The following ZNF653 variants were observed in gnomAD, a reference collection of about 807,000 sequenced individuals.
ZNF653 encodes the protein 67 kDa zinc finger protein.
Under a neutral mutation model 59.9 loss-of-function variants are expected in ZNF653, and 37 were observed. The observed-to-expected ratio is 0.62, with a 90% CI of 0.48 to 0.81. The LOEUF is 0.81. Among genes scored for constraint, ZNF653 ranks in the 40% least tolerant of loss-of-function variants. ZNF653 has a pLI of 0.00. For missense variants in ZNF653, 808 were observed against 881.1 expected (o/e 0.92, Z 1.05); for synonymous variants, 435 against 371.8 (o/e 1.17, Z -1.96).
chr19:11,497,793 G>A (rs960565143), intron 2 of ZNF653, among the ~76,000 whole-genome samples: 2 of 152,064 alleles, frequency 1.3e-5, no homozygotes, highest in African/African-American at 4.8e-5. Flanking sequence ...TCCTCAATGC[G>A]CTCCTCATCC....
chr19:11,496,437 T>C (rs766140332), intron 2 of ZNF653, among the ~76,000 whole-genome samples: 14 of 152,170 alleles, frequency 9.2e-5, no homozygotes, highest in Admixed American at 2.6e-4. Flanking sequence ...TGCTTGTTAA[T>C]TGTTCTCATC....
At chr19:11,494,760 C>T (rs12609753) in intron 3 of ZNF653, among the ~76,000 whole-genome samples, 12,170 of 152,266 alleles carry the variant, frequency 0.08, 788 homozygotes, top group African/African-American at 0.18. Context: ...CTCTGGGCAC[C>T]ACCCACACCC....
At chr19:11,484,840 T>A (rs1311194745) in intron 7 of ZNF653, among the ~76,000 whole-genome samples, 3 of 151,508 alleles carry the variant, frequency 2.0e-5, no homozygotes, top group African/African-American at 7.3e-5. Flanking sequence ...TCGCCTGAGA[T>A]CAGGAGTTGG....
intron 1 of ZNF653, among the ~76,000 whole-genome samples, chr19:11,498,807 C>T (rs763952603): frequency 6.7e-6 from 1 of 148,916 alleles, no homozygotes; most frequent in Admixed American, 6.7e-5. Context: ...TGCAGTGGTG[C>T]GATCTCGGTT....
Position 11,487,382 on chromosome 19 carries a change from C to T in ZNF653, c.1081G>A (p.Gly361Ser), listed in dbSNP as rs1363031864. ...GEEVPCAMMEGVAAYTQTEPE... is the reference protein window; with the variant it reads ...GEEVPCAMMESVAAYTQTEPE... Reference sequence around the variant, plus strand: ...TCTGTCTGGGTGTAGGCTGCCACACCCTCCATCATGGCACAGGGCACCTCC... The same window carrying T: ...TCTGTCTGGGTGTAGGCTGCCACACTCTCCATCATGGCACAGGGCACCTCC... The change falls in exon 4 of 9, where the codon GGT (glycine) becomes AGT (serine). Residue 361 changes from glycine to serine, a missense_variant. By Grantham distance (56) the Gly-to-Ser change is moderately conservative. Transcript: ENST00000293771. The surrounding 1 kb of genome is among the most constrained non-coding windows in gnomAD (Gnocchi z 5.1). 4.3e-6 allele frequency: 7 copies of T among 1,612,698 alleles called. No individual in the cohort carries two copies. Among genetic ancestry groups the T allele is most frequent in the African/African-American group, 4.0e-5 (3 of 74,942 alleles).
Position 11,496,085 on chromosome 19 carries a change from G to A in ZNF653, c.424C>T (p.His142Tyr), listed in dbSNP as rs1212514873. Reference protein sequence around the residue: ...DHKHRCPYEPHLAELDPTFGL... With the variant: ...DHKHRCPYEPYLAELDPTFGL... ...AAAGTGGGGTCTAGCTCCGCCAGGT[G>A]CGGCTCGTACGGGCAGCGGTGCTTG... Residue 142 changes from histidine (H) to tyrosine (Y), a missense_variant, in exon 3 of 9, where the codon CAC becomes TAC. Coordinates refer to ENST00000293771, the MANE Select transcript of ZNF653 (RefSeq NM_138783.4). 1.2e-6 allele frequency: 2 copies of A among 1,614,164 alleles called. No homozygotes were observed. Among genetic ancestry groups the A allele is most frequent in the South Asian group, 2.2e-5 (2 of 91,088 alleles).
intron 1 of ZNF653, among the ~76,000 whole-genome samples, chr19:11,499,598 C>T (rs1169301213): frequency 4.2e-5 from 6 of 143,962 alleles, no homozygotes; most frequent in African/African-American, 1.6e-4. Context: ...GATCCCACCT[C>T]TATTTATACA....
At chr19:11,486,679 CA>C in intron 6 of ZNF653, 89 bp downstream of exon 6, 1 of 1,143,838 alleles carries the variant, frequency 8.7e-7, no homozygotes. Context: ...CGTCAAATTT[CA>C]AGGGGCAAAC....
intron 1 of ZNF653, among the ~76,000 whole-genome samples, chr19:11,502,303 G>C (rs970773577): frequency 1.3e-5 from 2 of 151,170 alleles, no homozygotes; most frequent in African/African-American, 4.9e-5. Flanking sequence ...TATTGGTCAG[G>C]CTGGTCTCAA....
chr19:11,505,397 G>C (rs1037596207), intron 1 of ZNF653, 91 bp downstream of exon 1: 47 of 1,292,730 alleles, frequency 3.6e-5, no homozygotes, highest in Non-Finnish European at 4.1e-5. Context: ...AGGTGCCGGG[G>C]GCTGGCCCTA....
chr19:11,505,471 G>A lies in ZNF653; in HGVS notation c.299+17C>T, dbSNP rs953983084. On this transcript the variant is annotated intron_variant, in intron 1 of 8. Coordinates refer to ENST00000293771, the MANE Select transcript of ZNF653 (RefSeq NM_138783.4). The stretch of plus-strand genomic sequence containing the variant: ...GGGCGTCTCCTCCCTCCCTCCCTCG[G>A]GGCCAGGCCCCCTCACCCGTGGCGG... 5 of 1,453,306 alleles carry A rather than the reference G, an allele frequency of 3.4e-6. No homozygotes were observed. Among genetic ancestry groups the A allele is most frequent in the African/African-American group, 1.5e-5 (1 of 67,014 alleles). 90.0% of individuals were successfully genotyped at this position (1,453,306 alleles called of 1,614,324 possible).
chr19:11,492,708 C>T (rs754013948), intron 3 of ZNF653, among the ~76,000 whole-genome samples: 15 of 152,092 alleles, frequency 9.9e-5, no homozygotes, highest in Non-Finnish European at 2.1e-4. Context: ...ATGTAAACTC[C>T]GTAAGGTTGC....
rs577287944 is a variant in ZNF653 at position 11,495,999 on chromosome 19, C to G, written c.510G>C (p.Leu170=). The change falls in exon 3 of 9, where the codon CTG becomes CTC. Residue 170 remains leucine, a synonymous_variant. Transcript: ENST00000293771. The surrounding 1 kb of genome is among the most constrained non-coding windows in gnomAD (Gnocchi z 4.9). ...CGCTGAGGGGCTTCAGGGGCGAATG[C>G]AGGTCCTGGAAGTAGCGGTGGCCAG... ...CEAGHRYFQD[L]HSPLKPLSDS... is the part of the protein sequence containing the mutation. The G allele has an allele frequency of 8.1e-6, 13 of 1,614,172 alleles. No homozygotes were observed. In the African/African-American group the frequency reaches 1.7e-4, roughly 22 times the overall value.
intron 3 of ZNF653, among the ~76,000 whole-genome samples, chr19:11,489,611 G>T (rs1325983298): frequency 2.0e-5 from 3 of 152,196 alleles, no homozygotes; most frequent in Non-Finnish European, 4.4e-5. Context: ...GGGATTACAG[G>T]CGGGAGCCAC....
rs776283479 is a variant in ZNF653, at chr19:11,483,769, C to T, written c.1761G>A (p.Thr587=). 3 of 1,613,428 alleles carry T rather than the reference C, an allele frequency of 1.9e-6. No homozygotes were observed. Among genetic ancestry groups the T allele is most frequent in the East Asian group, 2.2e-5 (1 of 44,862 alleles). ...CGAAGCGCTTCCCGCAGCGATCGCA[C>T]GTGAAGTTGTACTGCACCTCCGCAG... is the stretch of plus-strand genomic sequence containing the variant. The part of the protein sequence containing the change: ...KHTAEVQYNF[T]CDRCGKRFEK... Residue 587 remains threonine (T), a synonymous_variant, in exon 9 of 9, where the codon ACG becomes ACA. Transcript: ENST00000293771.
chr19:11,492,512 C>G lies in ZNF653; in HGVS notation c.559+3438G>C, dbSNP rs569361184. Among the ~76,000 whole-genome samples, 7 of 151,994 alleles carry G rather than the reference C, an allele frequency of 4.6e-5. No individual in the cohort carries two copies. In the East Asian group the frequency reaches 1.4e-3, roughly 29 times the overall value. On this transcript the variant is annotated intron_variant, in intron 3 of 8. Transcript: ENST00000293771. ...GAGGTGCACCACCATGCCCAGCTAA[C>G]TTTTTCATTTTTTTGCTAGAGATGG...
intron 8 of ZNF653, 43 bp downstream of exon 8, chr19:11,483,999 T>C: frequency 6.5e-7 from 1 of 1,542,542 alleles, no homozygotes; most frequent in South Asian, 1.2e-5. Flanking sequence ...TGGGATCCCC[T>C]CCCACCCAAT....
At position 11,487,698 on chromosome 19, in the gene ZNF653, G is replaced by A. The variant is rs1270285191; in HGVS notation, c.765C>T (p.Ala255=). ...PFDVHHVESL[A]EQGTPLCSNP... ...TGGAGCACAGCGGGGTACCCTGCTC[G>A]GCCAGGCTTTCCACGTGGTGGACGT... Residue 255 remains alanine, a synonymous_variant, in exon 4 of 9, where the codon GCC becomes GCT. Coordinates refer to ENST00000293771, the MANE Select transcript of ZNF653 (RefSeq NM_138783.4). The surrounding 1 kb of genome is among the most constrained non-coding windows in gnomAD (Gnocchi z 5.1). The A allele has an allele frequency of 2.2e-5, 35 of 1,613,690 alleles. No homozygotes were observed. Among genetic ancestry groups the A allele is most frequent in the East Asian group, 1.8e-4 (8 of 44,882 alleles).
intron 1 of ZNF653, among the ~76,000 whole-genome samples, 183 bp from the exon 2 acceptor site, chr19:11,498,522 C>T (rs550784716): frequency 6.6e-6 from 1 of 152,322 alleles, no homozygotes; most frequent in Admixed American, 6.5e-5. Flanking sequence ...TGACTCATTG[C>T]AGCCTTTGCC....
Sources: allele counts gnomAD v4.1 joint callset (sites outside exome capture counted in the v4.1 genomes callset), GRCh38; gene constraint gnomAD v4.1.1; non-coding constraint Gnocchi (gnomAD v3.1); transcripts MANE v1.5; gene names NCBI Gene and HGNC (gene_info 2026-07-23, HGNC 2026-07-21).